Variants in TBC1D8B observed in about 807,000 individuals in gnomAD.
The protein encoded by TBC1D8B is TBC1 domain family member 8B.
In TBC1D8B, 75 loss-of-function variants were observed where a neutral mutation model predicts 82.9. That is an observed-to-expected ratio of 0.90 (90% CI 0.75 to 1.10). The LOEUF (loss-of-function observed/expected upper bound fraction) is 1.10, where lower values mean the gene tolerates loss of function less well. Among genes scored for constraint, TBC1D8B ranks in the 50% least tolerant of loss-of-function variants. The pLI is 0.00. For missense variants in TBC1D8B, 794 were observed against 796.9 expected (o/e 1.00, Z 0.04); for synonymous variants, 276 against 276.8 (o/e 1.00, Z 0.03).
At chrX:106,835,741 A>G (rs1462309590) in intron 7 of TBC1D8B, among the ~76,000 whole-genome samples, 2 of 111,987 alleles carry the variant, frequency 1.8e-5, no homozygotes, top group Non-Finnish European at 3.8e-5. Context: ...TCTTTTCACT[A>G]AAGCTCCATT....
chrX:106,832,786 T>A (rs1932077258), intron 7 of TBC1D8B, among the ~76,000 whole-genome samples: 1 of 111,504 alleles, frequency 9.0e-6, no homozygotes, highest in Non-Finnish European at 1.9e-5. Context: ...TCTTACTAAG[T>A]TTTTAAATAG....
chrX:106,866,356 A>G (rs1401184946), intron 16 of TBC1D8B, among the ~76,000 whole-genome samples: 2 of 111,653 alleles, frequency 1.8e-5, no homozygotes, highest in African/African-American at 6.5e-5. Flanking sequence ...TAAAAATTCA[A>G]CCACATAGCC....
Position 106,865,951 on chromosome X carries a change from C to T in TBC1D8B, c.2580C>T (p.Asp860=), listed in dbSNP as rs1395251147. The change falls in exon 16 of 21, where the codon GAC becomes GAT. Residue 860 remains aspartate (D), a synonymous_variant. Coordinates refer to ENST00000357242, the MANE Select transcript of TBC1D8B (RefSeq NM_017752.3). ...LSPWAHSANK[D]SLALWTFRLL... is the part of the protein sequence containing the mutation. ...CCTGGGCTCATTCTGCAAATAAAGA[C>T]TCACTAGCTTTATGGACATTCAGAT... The T allele has an allele frequency of 8.3e-7, 1 of 1,206,459 alleles. No individual in the cohort carries two copies. The highest frequency in any genetic ancestry group is 1.8e-5 in the African/African-American group (1 of 56,708).
At chrX:106,857,156 T>C (rs970693309) in intron 14 of TBC1D8B, among the ~76,000 whole-genome samples, 11 of 111,332 alleles carry the variant, frequency 9.9e-5, no homozygotes, top group Non-Finnish European at 1.1e-4. Context: ...CTTTGTCTTA[T>C]TCTTTTTGTT....
intron 6 of TBC1D8B, 87 bp downstream of exon 6, chrX:106,826,324 T>A: frequency 1.3e-6 from 1 of 743,599 alleles, no homozygotes; most frequent in Non-Finnish European, 1.9e-6. Context: ...TATAAATTAT[T>A]AAAACCTCAA....
intron 1 of TBC1D8B, among the ~76,000 whole-genome samples, chrX:106,806,062 G>C (rs909265068): frequency 1.2e-4 from 13 of 112,367 alleles, no homozygotes; most frequent in African/African-American, 4.2e-4. Flanking sequence ...CTTAAGTGTG[G>C]ACTTGATAAA....
chrX:106,864,098 C>T (rs1219357866), intron 14 of TBC1D8B, among the ~76,000 whole-genome samples: 1 of 111,212 alleles, frequency 9.0e-6, no homozygotes, highest in Admixed American at 9.5e-5. Context: ...TTCCAGGATC[C>T]GAGGCTTGTA....
chrX:106,866,732 G>A (rs1932817439), intron 16 of TBC1D8B, 65 bp from the exon 17 acceptor site: 1 of 822,665 alleles, frequency 1.2e-6, no homozygotes, highest in South Asian at 2.9e-5. Flanking sequence ...ATTAATCTTT[G>A]TTGCTGAAAT....
intron 12 of TBC1D8B, among the ~76,000 whole-genome samples, chrX:106,851,409 C>T (rs1447604331): frequency 9.0e-6 from 1 of 111,641 alleles, no homozygotes; most frequent in Admixed American, 9.5e-5. Flanking sequence ...AAACAAGTTC[C>T]ACTTCTTTTT....
Position 106,875,459 on chromosome X carries a change from C to T in TBC1D8B, c.*1494C>T, listed in dbSNP as rs779782888. 8.9e-6 allele frequency: 1 copy of T among 111,835 alleles called. No individual in the cohort carries two copies. The highest frequency in any genetic ancestry group is 3.8e-4 in the South Asian group (1 of 2,645). 9.2% of individuals were successfully genotyped at this position (111,835 alleles called of 1,213,427 possible). A position where few individuals can be genotyped will look rare whatever the true frequency, so the allele number is the denominator to read the frequency against. The stretch of plus-strand genomic sequence containing the variant: ...TTTTCAAGTTGAGCCTTTGAAAATC[C>T]CATAAATTGGTTTTAGCTAAACACT... On this transcript the variant is annotated 3_prime_UTR_variant, in exon 21 of 21. Coordinates refer to ENST00000357242, the MANE Select transcript of TBC1D8B (RefSeq NM_017752.3).
intron 14 of TBC1D8B, among the ~76,000 whole-genome samples, chrX:106,858,248 T>C (rs1031896131): frequency 9.0e-6 from 1 of 111,722 alleles, no homozygotes; most frequent in African/African-American, 3.3e-5. Flanking sequence ...CACTTTTTTA[T>C]GGAGTTGTTT....
chrX:106,831,903 A>G (rs1277514550), intron 7 of TBC1D8B, among the ~76,000 whole-genome samples: 1 of 111,438 alleles, frequency 9.0e-6, no homozygotes, highest in Non-Finnish European at 1.9e-5. Context: ...AATGATGAAG[A>G]ATATTGACCC....
chrX:106,831,124 C>T (rs975243718), intron 7 of TBC1D8B, among the ~76,000 whole-genome samples: 1 of 110,444 alleles, frequency 9.1e-6, no homozygotes, highest in Non-Finnish European at 1.9e-5. Context: ...CAAATTATAG[C>T]TATTTGTATT....
At chrX:106,814,127 A>T (rs1406523886) in intron 1 of TBC1D8B, 4 of 109,286 alleles carry the variant, frequency 3.7e-5, no homozygotes, top group African/African-American at 1.3e-4. Flanking sequence ...TTGTCCTTGC[A>T]ATAGTTTACT....
chrX:106,811,335 G>A (rs939587545), intron 1 of TBC1D8B, among the ~76,000 whole-genome samples: 1 of 111,227 alleles, frequency 9.0e-6, no homozygotes, highest in East Asian at 2.8e-4. Flanking sequence ...GACCAGCCTC[G>A]GCCACACAGT....
intron 18 of TBC1D8B, among the ~76,000 whole-genome samples, chrX:106,868,885 TA>T (rs1195470401): frequency 8.9e-6 from 1 of 112,237 alleles, no homozygotes; most frequent in Non-Finnish European, 1.9e-5. Flanking sequence ...AGACAAAATT[TA>T]AAGTGATATG....
At chrX:106,835,501 C>T (rs1932155811) in intron 7 of TBC1D8B, among the ~76,000 whole-genome samples, 1 of 112,330 alleles carries the variant, frequency 8.9e-6, no homozygotes, top group African/African-American at 3.2e-5. Flanking sequence ...TGGTGATTAA[C>T]ATTCGGCTCC....
chrX:106,838,624 G>A (rs1453329123), intron 7 of TBC1D8B, among the ~76,000 whole-genome samples: 2 of 111,662 alleles, frequency 1.8e-5, no homozygotes, highest in African/African-American at 6.5e-5. Context: ...TCATCATCTG[G>A]TTTTTCAGGT....
At chrX:106,840,014 A>G in intron 8 of TBC1D8B, 34 bp from the exon 9 acceptor site, 1 of 1,154,634 alleles carries the variant, frequency 8.7e-7, no homozygotes. Flanking sequence ...ATTTCTCACT[A>G]AATTTAGTTG....
Sources: allele counts gnomAD v4.1 joint callset (sites outside exome capture counted in the v4.1 genomes callset), GRCh38; gene constraint gnomAD v4.1.1; transcripts MANE v1.5; gene names NCBI Gene and HGNC (gene_info 2026-07-23, HGNC 2026-07-21).